Variants in FURIN observed in about 807,000 individuals in gnomAD.
The protein encoded by FURIN is furin, paired basic amino acid cleaving enzyme, also known as FES upstream region.
Under a neutral mutation model 89.2 loss-of-function variants are expected in FURIN, and 18 were observed. The observed-to-expected ratio is 0.20, with a 90% CI of 0.14 to 0.30. The LOEUF is 0.30. Among genes scored for constraint, FURIN ranks in the 10% least tolerant of loss-of-function variants. FURIN has a pLI of 1.00. For missense variants in FURIN, 879 were observed against 1,100.5 expected, an observed-to-expected ratio of 0.80 and a Z score of 2.85; for synonymous variants, 508 against 466.4, an observed-to-expected ratio of 1.09 and a Z score of -1.15.
chr15:90,880,703 C>T lies in FURIN; in HGVS notation c.1569C>T (p.Tyr523=), dbSNP rs142130448. 34 of 1,613,364 alleles carry T rather than the reference C, an allele frequency of 2.1e-5. No homozygotes were observed. The highest frequency in any genetic ancestry group is 2.8e-5 in the Non-Finnish European group (33 of 1,179,688). Reference sequence around the variant, plus strand: ...CTCCCCTCCCCAGGCCACATGACTACTCCGCAGATGGGTTTAATGACTGGG... The same window carrying T: ...CTCCCCTCCCCAGGCCACATGACTATTCCGCAGATGGGTTTAATGACTGGG... The part of the protein sequence containing the change: ...STLLAARPHD[Y]SADGFNDWAF... Residue 523 remains tyrosine (Y), a synonymous_variant, in exon 14 of 16, where the codon TAC becomes TAT. Coordinates refer to ENST00000268171, the MANE Select transcript of FURIN (RefSeq NM_002569.4).
At chr15:90,880,563 C>A in intron 13 of FURIN, 128 bp from the exon 14 acceptor site, 1 of 1,022,720 alleles carries the variant, frequency 9.8e-7, no homozygotes, top group Non-Finnish European at 1.4e-6. Flanking sequence ...GCCAAGCCAG[C>A]AGGCACTTCT....
intron 1 of FURIN, among the ~76,000 whole-genome samples, chr15:90,869,339 G>A (rs914893881): frequency 1.8e-4 from 27 of 152,182 alleles, no homozygotes; most frequent in East Asian, 1.9e-4. Context: ...GAGTGATAAA[G>A]AGAACAATAC....
Position 90,876,510 on chromosome 15 carries a change from G to A in FURIN, c.325G>A (p.Val109Met), listed in dbSNP as rs116359616. ...QVAKRRTKRD[V>M]YQEPTDPKFP... ...GGCAAAGCGACGGACTAAACGGGAC[G>A]TGTACCAGGAGCCCACAGACCCCAA... Residue 109 changes from valine to methionine, a missense_variant, in exon 4 of 16, where the codon GTG becomes ATG. This residue lies in a region of FURIN where 139 missense variants were observed against 215.0 expected (regional missense o/e 0.65). Transcript: ENST00000268171. The surrounding 1 kb of genome is among the most constrained non-coding windows in gnomAD (Gnocchi z 5.0). 1.3e-3 allele frequency: 2,040 copies of A among 1,614,006 alleles called. 19 individuals carry two copies. The African/African-American group carries it at 0.024, about 19-fold the overall frequency.
chr15:90,875,938 C>T (rs745458424), intron 2 of FURIN, 21 bp downstream of exon 2: 71 of 1,547,586 alleles, frequency 4.6e-5, no homozygotes, highest in Non-Finnish European at 5.6e-5. Flanking sequence ...CCCCACAGGA[C>T]ACTGCCAGGG....
chr15:90,872,182 C>T (rs2031352342), intron 1 of FURIN, among the ~76,000 whole-genome samples: 1 of 151,658 alleles, frequency 6.6e-6, no homozygotes, highest in Admixed American at 6.5e-5. Context: ...ACCTGTGCGG[C>T]CAGGACTCGG....
intron 1 of FURIN, among the ~76,000 whole-genome samples, chr15:90,873,803 T>C (rs1370516881): frequency 6.6e-6 from 1 of 152,110 alleles, no homozygotes; most frequent in East Asian, 1.9e-4. Context: ...GGAGCTGTAT[T>C]GTAGATGTCT....
chr15:90,877,348 G>A, intron 6 of FURIN, 137 bp downstream of exon 6: 4 of 931,626 alleles, frequency 4.3e-6, no homozygotes, highest in Non-Finnish European at 6.4e-6. Flanking sequence ...GGGGCTCTGA[G>A]GGAGGGCTCG....
intron 1 of FURIN, among the ~76,000 whole-genome samples, chr15:90,870,809 T>C (rs548369318): frequency 6.6e-6 from 1 of 152,292 alleles, no homozygotes; most frequent in South Asian, 2.1e-4. Context: ...GCGCAAATTA[T>C]TTAAACGTTG....
intron 7 of FURIN, 65 bp from the exon 8 acceptor site, chr15:90,878,067 G>A (rs1259678449): frequency 6.5e-7 from 1 of 1,535,348 alleles, no homozygotes; most frequent in Non-Finnish European, 9.0e-7. Context: ...TGTGCTCCTT[G>A]GGGTGGGGGC....
In FURIN at chr15:90,880,708, C is replaced by A. The variant is rs920252187; in HGVS notation, c.1574C>A (p.Ala525Glu). The A allele has an allele frequency of 5.0e-6, 8 of 1,613,768 alleles. No individual in the cohort carries two copies. Among genetic ancestry groups the A allele is most frequent in the Non-Finnish European group, 6.8e-6 (8 of 1,179,852 alleles). ...CTCCCCAGGCCACATGACTACTCCGCAGATGGGTTTAATGACTGGGCCTTC... is the reference window on the plus strand; with the variant it reads ...CTCCCCAGGCCACATGACTACTCCGAAGATGGGTTTAATGACTGGGCCTTC... ...LLAARPHDYSADGFNDWAFMT... is the reference protein window; with the variant it reads ...LLAARPHDYSEDGFNDWAFMT... Residue 525 changes from alanine (A) to glutamate (E), a missense_variant, in exon 14 of 16, where the codon GCA (alanine) becomes GAA (glutamate). Ala to Glu is a moderately radical substitution (Grantham distance 107, BLOSUM62 -1). This residue lies in a region of FURIN where 457 missense variants were observed against 490.7 expected (regional missense o/e 0.93). Coordinates refer to ENST00000268171, the MANE Select transcript of FURIN (RefSeq NM_002569.4).
chr15:90,870,392 G>A (rs1354151205), intron 1 of FURIN, among the ~76,000 whole-genome samples: 2 of 152,066 alleles, frequency 1.3e-5, no homozygotes, highest in East Asian at 3.8e-4. Context: ...CACCTCATGG[G>A]GCATGTGGTG....
rs892982892 is a variant in FURIN, at chr15:90,876,833, A to G, written c.373-63A>G. On this transcript the variant is annotated intron_variant, in intron 4 of 15. Transcript: ENST00000268171. The surrounding 1 kb of genome is among the most constrained non-coding windows in gnomAD (Gnocchi z 5.0). Reference sequence around the variant, plus strand: ...TTTACGGGGGCAAAGGGATTCTTCAAGATGCTCCTAGCCTCACAAAACCAA... The same window carrying G: ...TTTACGGGGGCAAAGGGATTCTTCAGGATGCTCCTAGCCTCACAAAACCAA... 5.7e-6 allele frequency: 9 copies of G among 1,573,776 alleles called. No individual in the cohort carries two copies. The highest frequency in any genetic ancestry group is 2.7e-5 in the African/African-American group (2 of 74,152).
Position 90,876,176 on chromosome 15 carries a change from G to A in FURIN, c.178-79G>A. 2 of 1,002,138 alleles carry A rather than the reference G, an allele frequency of 2.0e-6. No homozygotes were observed. Among genetic ancestry groups the A allele is most frequent in the Admixed American group, 1.7e-5 (1 of 57,780 alleles). 62.1% of individuals were successfully genotyped at this position (1,002,138 alleles called of 1,614,324 possible). ...CCGACCGTGGCGAGCCTCCCATGAAGCCGTTGTCCACCCCCGTCCCCCGCC... is the reference window on the plus strand; with the variant it reads ...CCGACCGTGGCGAGCCTCCCATGAAACCGTTGTCCACCCCCGTCCCCCGCC... On this transcript the variant is annotated intron_variant, in intron 2 of 15. Transcript: ENST00000268171. This position sits in a 1 kb window ranked among gnomAD's most constrained non-coding sequence, Gnocchi z 5.0.
chr15:90,871,061 C>T (rs1173081803), intron 1 of FURIN, among the ~76,000 whole-genome samples: 3 of 152,210 alleles, frequency 2.0e-5, no homozygotes, highest in African/African-American at 7.2e-5. Flanking sequence ...TAACAGTAGG[C>T]CAAGAGGAGG....
Position 90,876,397 on chromosome 15 carries a change from C to CTGCTCTCAG in FURIN, c.276+45_276+53dup, listed in dbSNP as rs745491660. ...CCCTCCTGCTGCCACCCTCCCCCTC[C>CTGCTCTCAG]TGCTCTCAGGAGCCCCTCTCGCCTC... On this transcript the variant is annotated intron_variant, in intron 3 of 15. Coordinates refer to ENST00000268171, the MANE Select transcript of FURIN (RefSeq NM_002569.4). This position sits in a 1 kb window ranked among gnomAD's most constrained non-coding sequence, Gnocchi z 5.0. 4.6e-6 allele frequency: 7 copies of CTGCTCTCAG among 1,521,446 alleles called. No homozygotes were observed. Among genetic ancestry groups the CTGCTCTCAG allele is most frequent in the Non-Finnish European group, 5.5e-6 (6 of 1,095,834 alleles). 94.2% of individuals were successfully genotyped at this position (1,521,446 alleles called of 1,614,324 possible). A position where few individuals can be genotyped will look rare whatever the true frequency, so the allele number is the denominator to read the frequency against.
intron 1 of FURIN, chr15:90,871,422 G>A (rs1438781676): frequency 1.9e-5 from 2 of 103,354 alleles, no homozygotes; most frequent in East Asian, 5.6e-4. Flanking sequence ...GCCCCTACCA[G>A]GAGCCGGAGG....
At chr15:90,870,396 T>C (rs1283447796) in intron 1 of FURIN, among the ~76,000 whole-genome samples, 2 of 152,074 alleles carry the variant, frequency 1.3e-5, no homozygotes, top group African/African-American at 2.4e-5. Context: ...TCATGGGGCA[T>C]GTGGTGAGGA....
chr15:90,879,942 C>T lies in FURIN; in HGVS notation c.1334C>T (p.Ala445Val), dbSNP rs778834127. The T allele has an allele frequency of 6.2e-7, 1 of 1,612,950 alleles. No homozygotes were observed. Among genetic ancestry groups the T allele is most frequent in the South Asian group, 1.1e-5 (1 of 91,072 alleles). ...CTGGCCCAGAATTGGACCACAGTGG[C>T]CCCCCAGCGGAAGTGCATCATCGAC... ...VALAQNWTTVAPQRKCIIDIL... is the reference protein window; with the variant it reads ...VALAQNWTTVVPQRKCIIDIL... Residue 445 changes from alanine (A) to valine (V), a missense_variant, in exon 12 of 16, where the codon GCC becomes GTC. Coordinates refer to ENST00000268171, the MANE Select transcript of FURIN (RefSeq NM_002569.4).
chr15:90,878,121 T>A lies in FURIN; in HGVS notation c.668-11T>A, dbSNP rs1426703342. The A allele has an allele frequency of 2.5e-6, 4 of 1,613,380 alleles. No individual in the cohort carries two copies. The highest frequency in any genetic ancestry group is 3.4e-6 in the Non-Finnish European group (4 of 1,179,924). ...GCAGCATCCCTCTTCGTGCCCCCCC[T>A]TCACGGCCAGGGGTGCGCATGCTGG... On this transcript the variant is annotated splice_polypyrimidine_tract_variant and intron_variant, in intron 7 of 15. Coordinates refer to ENST00000268171, the MANE Select transcript of FURIN (RefSeq NM_002569.4).
Sources: gnomAD v4.1 joint callset for allele counts (sites outside exome capture counted in the v4.1 genomes callset) on GRCh38, gnomAD v4.1.1 for gene constraint, gnomAD v4.1.1 regional missense constraint, Gnocchi (gnomAD v3.1) non-coding constraint, MANE v1.5 for transcripts, NCBI Gene and HGNC (gene_info 2026-07-23, HGNC 2026-07-21) for gene names.